The following PMS2 variants were observed in gnomAD, a reference collection of about 807,000 sequenced individuals.
The protein encoded by PMS2 is mismatch repair endonuclease PMS2.
A neutral mutation model predicts 90.0 loss-of-function variants in PMS2; 69 were observed. The ratio of observed to expected loss-of-function variants is 0.77; its 90% CI spans 0.63 to 0.94. PMS2 has a LOEUF of 0.94. PMS2 is among the 40% of genes least tolerant of loss of function. The probability of loss-of-function intolerance (pLI) is 0.00; values close to 1 mark genes in which losing one functional copy is unlikely to be tolerated. For missense variants in PMS2, 966 were observed against 1,040.2 expected, an observed-to-expected ratio of 0.93 and a Z score of 0.98; for synonymous variants, 332 against 375.1, an observed-to-expected ratio of 0.89 and a Z score of 1.33.
intron 3 of PMS2, 37 bp downstream of exon 3, chr7:6,003,935 A>G (rs376282416): frequency 2.1e-6 from 3 of 1,403,504 alleles, no homozygotes; most frequent in Non-Finnish European, 3.0e-6. Context: ...CATGTGACCC[A>G]ATTATTTTAT....
rs372341850 is a variant in PMS2, at chr7:5,986,828, C to T, written c.1937G>A (p.Arg646Lys). The change falls in exon 11 of 15, where the codon AGG becomes AAG. Residue 646 changes from arginine to lysine, a missense_variant. By Grantham distance (26) the Arg-to-Lys change is conservative (BLOSUM62 2). This residue lies in a region of PMS2 where 871 missense variants were observed against 802.4 expected (regional missense o/e 1.09). Transcript: ENST00000265849. ...AGGACAAATCTTTGCCCTAAACTTC[C>T]TGTAATTCTGTTCCCCTTCACTTTG... Reference protein sequence around the residue: ...AQQSEGEQNYRKFRAKICPGE... With the variant: ...AQQSEGEQNYKKFRAKICPGE... 1 of 1,613,618 alleles carries T rather than the reference C, an allele frequency of 6.2e-7. No homozygotes were observed. The highest frequency in any genetic ancestry group is 2.2e-5 in the East Asian group (1 of 44,882).
chr7:6,003,436 T>C, intron 4 of PMS2: 1 of 467,784 alleles, frequency 2.1e-6, no homozygotes. Context: ...ATTATCTACA[T>C]GTTAGGTTAA....
intron 8 of PMS2, among the ~76,000 whole-genome samples, chr7:5,993,472 T>C (rs1038365162): frequency 1.3e-5 from 2 of 148,926 alleles, no homozygotes; most frequent in Non-Finnish European, 3.0e-5. Flanking sequence ...TGTCATCATA[T>C]CAAGATGATC....
chr7:5,997,810 T>C (rs960363987), intron 6 of PMS2, among the ~76,000 whole-genome samples: 8 of 152,100 alleles, frequency 5.3e-5, no homozygotes, highest in Non-Finnish European at 1.2e-4. Flanking sequence ...TCAAAATTGT[T>C]GGCCGGGTGG....
At position 5,997,379 on chromosome 7, in the gene PMS2, G is replaced by C. The variant is rs200439295; in HGVS notation, c.750C>G (p.Ser250=). The C allele has an allele frequency of 6.2e-7, 1 of 1,607,040 alleles. No individual in the cohort carries two copies. ...AGCTCAAACCGTACTCTTCACACACGGAGTCACTAGGGGGCAGCTGAACAA... is the reference window on the plus strand; with the variant it reads ...AGCTCAAACCGTACTCTTCACACACCGAGTCACTAGGGGGCAGCTGAACAA... ...IPFVQLPPSD[S]VCEEYGLSCS... is the part of the protein sequence containing the mutation. The change falls in exon 7 of 15, where the codon TCC becomes TCG. Residue 250 remains serine, a synonymous_variant. Transcript: ENST00000265849.
chr7:5,979,415 G>T lies in PMS2; in HGVS notation c.2175-719C>A, dbSNP rs779505849. Among the ~76,000 whole-genome samples the T allele has an allele frequency of 8.8e-4, 131 of 148,120 alleles. 1 individual carries two copies. The highest frequency in any genetic ancestry group is 1.6e-3 in the Non-Finnish European group (105 of 67,058). On this transcript the variant is annotated intron_variant, in intron 12 of 14. Coordinates refer to ENST00000265849, the MANE Select transcript of PMS2 (RefSeq NM_000535.7). ...CAAAAAAAAAAAAAAAGTTCAAGTA[G>T]CTACAAAAGTAGTTTGCTTTTTCCT...
At chr7:5,987,824 G>C (rs1783217195) in intron 10 of PMS2, among the ~76,000 whole-genome samples, 1 of 152,116 alleles carries the variant, frequency 6.6e-6, no homozygotes, top group African/African-American at 2.4e-5. Context: ...GGAGGCCAAG[G>C]CAGGGGGATC....
At chr7:5,979,855 AGG>A (rs1216411178) in intron 12 of PMS2, among the ~76,000 whole-genome samples, 2 of 115,956 alleles carry the variant, frequency 1.7e-5, no homozygotes. Flanking sequence ...TGCTCAAGGC[AGG>A]AGACAGCTGG....
chr7:6,003,861 T>G, intron 3 of PMS2, 69 bp from the exon 4 acceptor site: 4 of 1,260,842 alleles, frequency 3.2e-6, no homozygotes, highest in Non-Finnish European at 4.7e-6. Flanking sequence ...ACATGATATC[T>G]AGTAACTGGC....
intron 5 of PMS2, among the ~76,000 whole-genome samples, chr7:6,001,431 C>T (rs1314187346): frequency 6.8e-6 from 1 of 146,886 alleles, no homozygotes; most frequent in African/African-American, 2.6e-5. Flanking sequence ...AGTGCAATAG[C>T]TTGATCTCGG....
At position 5,999,242 on chromosome 7, in the gene PMS2, A is replaced by G. The variant is rs1784821488; in HGVS notation, c.571T>C (p.Tyr191His). 1.9e-6 allele frequency: 3 copies of G among 1,614,116 alleles called. No homozygotes were observed. Among genetic ancestry groups the G allele is most frequent in the Non-Finnish European group, 2.5e-6 (3 of 1,179,988 alleles). Residue 191 changes from tyrosine to histidine, a missense_variant, in exon 6 of 15, where the codon TAC (tyrosine) becomes CAC (histidine). By Grantham distance (83) the Tyr-to-His change is moderately conservative. Around this residue, in one of 2 missense-constraint regions of PMS2, gnomAD observed 871 missense variants for 802.4 expected, o/e 1.09. Transcript: ENST00000265849. Reference protein sequence around the residue: ...YAKMVQVLHAYCIISAGIRVS... With the variant: ...YAKMVQVLHAHCIISAGIRVS... Reference sequence around the variant, plus strand: ...CGGATGCCTGCTGAAATGATACAGTATGCATGTAAGACCTGGACCATTTTG... The same window carrying G: ...CGGATGCCTGCTGAAATGATACAGTGTGCATGTAAGACCTGGACCATTTTG...
chr7:6,007,308 G>A (rs1480508535), intron 1 of PMS2, among the ~76,000 whole-genome samples: 1 of 151,996 alleles, frequency 6.6e-6, no homozygotes, highest in East Asian at 1.9e-4. Flanking sequence ...AAGAGATAGG[G>A]TTTCACCATG....
chr7:6,002,121 C>T (rs1172160581), intron 5 of PMS2: 1 of 299,974 alleles, frequency 3.3e-6, no homozygotes. Flanking sequence ...CCTCAAGTTC[C>T]TGGGCTCAAG....
At chr7:5,990,089 C>CTGATT in intron 9 of PMS2, 134 bp from the exon 10 acceptor site, 1 of 513,446 alleles carries the variant, frequency 1.9e-6, no homozygotes, top group Non-Finnish European at 3.4e-6. Context: ...CTCACTGCAA[C>CTGATT]CTCCGCCTCC....
At chr7:5,990,947 G>A (rs868682696) in intron 9 of PMS2, among the ~76,000 whole-genome samples, 12 of 152,096 alleles carry the variant, frequency 7.9e-5, no homozygotes, top group African/African-American at 2.7e-4. Context: ...CTCAGGAATC[G>A]GAGGTTACAG....
At position 5,992,787 on chromosome 7, in the gene PMS2, A is replaced by G. The variant is rs145642038; in HGVS notation, c.904-730T>C. On this transcript the variant is annotated intron_variant, in intron 8 of 14. Transcript: ENST00000265849. ...ATCCATCACCAAAAGTTTCCTCACA[A>G]TCTCAAAGTGATATTTCTCTAATCA... 2.2e-4 allele frequency among the ~76,000 whole-genome samples: 33 copies of G among 152,326 alleles called. No homozygotes were observed. In the East Asian group the frequency reaches 6.2e-3, roughly 28 times the overall value.
rs150630090 is a variant in PMS2, at chr7:5,982,824, G to A, written c.2174C>T (p.Ala725Val). The change falls in exon 12 of 15, where the codon GCA becomes GTA. Residue 725 changes from alanine to valine, a missense_variant and splice_region_variant. Around this residue, in one of 2 missense-constraint regions of PMS2, gnomAD observed 95 missense variants for 237.8 expected, o/e 0.40. Coordinates refer to ENST00000265849, the MANE Select transcript of PMS2 (RefSeq NM_000535.7). The stretch of plus-strand genomic sequence containing the variant: ...GGGAATGAACACTAAACACACTCAC[G>A]CTATGAGCCTCTGCCCCTGGAGCAC... ...HTVLQGQRLI[A>V]PQTLNLTAVN... 8.1e-6 allele frequency: 13 copies of A among 1,608,754 alleles called. No individual in the cohort carries two copies. The highest frequency in any genetic ancestry group is 5.5e-5 in the South Asian group (5 of 90,660).
chr7:5,990,550 AATAAG>A (rs1262143135), intron 9 of PMS2, among the ~76,000 whole-genome samples: 1 of 152,218 alleles, frequency 6.6e-6, no homozygotes, highest in Non-Finnish European at 1.5e-5. Context: ...TGCAAACTAA[AATAAG>A]ATATTTTAAT....
intron 11 of PMS2, among the ~76,000 whole-genome samples, chr7:5,984,739 C>T (rs551120641): frequency 1.3e-5 from 2 of 151,628 alleles, no homozygotes; most frequent in East Asian, 1.9e-4. Flanking sequence ...GAGCTGAGAT[C>T]GTGCCAGTGC....
Sources: gnomAD v4.1 joint callset for allele counts (sites outside exome capture counted in the v4.1 genomes callset) on GRCh38, gnomAD v4.1.1 for gene constraint, gnomAD v4.1.1 regional missense constraint, MANE v1.5 for transcripts, NCBI Gene and HGNC (gene_info 2026-07-23, HGNC 2026-07-21) for gene names.